The following MAT1A variants were observed in gnomAD, a reference collection of about 807,000 sequenced individuals.
MAT1A encodes the protein methionine adenosyltransferase 1A.
Under a neutral mutation model 44.0 loss-of-function variants are expected in MAT1A, and 19 were observed. The ratio of observed to expected loss-of-function variants is 0.43; its 90% CI spans 0.30 to 0.63. MAT1A has a LOEUF of 0.63. Among genes scored for constraint, MAT1A ranks in the 30% least tolerant of loss-of-function variants. The probability of loss-of-function intolerance (pLI) is 0.12; values close to 1 mark genes in which losing one functional copy is unlikely to be tolerated. For synonymous variants in MAT1A, 205 were observed against 205.6 expected (o/e 1.00, Z 0.03); for missense variants, 397 against 531.0 (o/e 0.75, Z 2.48).
Position 80,276,487 on chromosome 10 carries a change from G to A in MAT1A, c.657C>T (p.Arg219=). The change falls in exon 6 of 9, where the codon CGC becomes CGT. Residue 219 remains arginine, a synonymous_variant. Coordinates refer to ENST00000372213, the MANE Select transcript of MAT1A (RefSeq NM_000429.3). ...TGATGACTTGCTCCTTCAGGGCCCTGCGCATCTCCTCCAGCGTGATGTCTT... is the reference window on the plus strand; with the variant it reads ...TGATGACTTGCTCCTTCAGGGCCCTACGCATCTCCTCCAGCGTGATGTCTT... ...HNEDITLEEM[R]RALKEQVIRA... 2 of 1,614,152 alleles carry A rather than the reference G, an allele frequency of 1.2e-6. No homozygotes were observed. The highest frequency in any genetic ancestry group is 1.7e-5 in the Admixed American group (1 of 60,034).
intron 1 of MAT1A, 74 bp from the exon 2 acceptor site, chr10:80,285,663 A>G (rs1350343203): frequency 2.0e-6 from 2 of 1,015,244 alleles, no homozygotes; most frequent in Non-Finnish European, 3.1e-6. Context: ...AAATAATTAG[A>G]TATCGACTTT....
intron 5 of MAT1A, among the ~76,000 whole-genome samples, chr10:80,278,215 G>A (rs906539650): frequency 1.3e-5 from 2 of 152,182 alleles, no homozygotes; most frequent in Non-Finnish European, 2.9e-5. Context: ...TGGCATTTTC[G>A]AGACAATCCT....
Position 80,273,510 on chromosome 10 carries a change from G to T in MAT1A, c.*271C>A, listed in dbSNP as rs1439500664. On this transcript the variant is annotated 3_prime_UTR_variant, in exon 9 of 9. Transcript: ENST00000372213. ...GTGAGGGAATTCACTCTTGACGGGG[G>T]TGCCTTTTCCACTAAATTAACATTG... 6.5e-6 allele frequency: 3 copies of T among 460,986 alleles called. No homozygotes were observed. Among genetic ancestry groups the T allele is most frequent in the Non-Finnish European group, 8.0e-6 (2 of 249,128 alleles). 28.6% of individuals were successfully genotyped at this position (460,986 alleles called of 1,614,324 possible). A position where few individuals can be genotyped will look rare whatever the true frequency, so the allele number is the denominator to read the frequency against.
intron 1 of MAT1A, 43 bp downstream of exon 1, chr10:80,289,290 T>C (rs371652664): frequency 7.2e-5 from 110 of 1,522,774 alleles, no homozygotes; most frequent in Middle Eastern, 6.8e-4. Flanking sequence ...CAGTATAGGC[T>C]TGGAATGATC....
chr10:80,286,683 T>C (rs1841655447), intron 1 of MAT1A, among the ~76,000 whole-genome samples: 1 of 152,222 alleles, frequency 6.6e-6, no homozygotes, highest in Admixed American at 6.5e-5. Flanking sequence ...TTTGGGGTTA[T>C]GCAAACTGTC....
intron 8 of MAT1A, 37 bp from the exon 9 acceptor site, chr10:80,273,920 G>T: frequency 7.1e-7 from 1 of 1,412,646 alleles, no homozygotes; most frequent in Non-Finnish European, 1.0e-6. Context: ...ATTGGAAGAT[G>T]GAACAGGAGC....
chr10:80,283,535 C>T (rs918544344), intron 3 of MAT1A, among the ~76,000 whole-genome samples: 6 of 152,252 alleles, frequency 3.9e-5, no homozygotes, highest in African/African-American at 1.4e-4. Context: ...TCCTCGTCTG[C>T]ATAAGTACAT....
intron 6 of MAT1A, among the ~76,000 whole-genome samples, chr10:80,276,158 C>T (rs1841482842): frequency 6.6e-6 from 1 of 152,220 alleles, no homozygotes; most frequent in African/African-American, 2.4e-5. Context: ...ATCCTAGGGA[C>T]ATATCCCCCA....
chr10:80,273,590 C>T lies in MAT1A; in HGVS notation c.*191G>A. The T allele has an allele frequency of 1.6e-6, 1 of 619,432 alleles. No homozygotes were observed. 38.4% of individuals were successfully genotyped at this position (619,432 alleles called of 1,614,324 possible). A position where few individuals can be genotyped will look rare whatever the true frequency, so the allele number is the denominator to read the frequency against. ...CCATGCCCATCCTTACATCAAGATCCAACCTCCAGCACCAGGAAGCCCCTG... is the reference window on the plus strand; with the variant it reads ...CCATGCCCATCCTTACATCAAGATCTAACCTCCAGCACCAGGAAGCCCCTG... On this transcript the variant is annotated 3_prime_UTR_variant, in exon 9 of 9. Coordinates refer to ENST00000372213, the MANE Select transcript of MAT1A (RefSeq NM_000429.3).
At chr10:80,280,977 C>A (rs1193004285) in intron 3 of MAT1A, among the ~76,000 whole-genome samples, 185 bp from the exon 4 acceptor site, 1 of 152,132 alleles carries the variant, frequency 6.6e-6, no homozygotes, top group South Asian at 2.1e-4. Flanking sequence ...ACCTTCCCAC[C>A]CTATCATGTA....
At chr10:80,278,223 C>T (rs941100840) in intron 5 of MAT1A, among the ~76,000 whole-genome samples, 1 of 152,178 alleles carries the variant, frequency 6.6e-6, no homozygotes, top group African/African-American at 2.4e-5. Flanking sequence ...TCGAGACAAT[C>T]CTTCAAAGGA....
intron 5 of MAT1A, among the ~76,000 whole-genome samples, chr10:80,276,920 G>A (rs1001161328): frequency 2.6e-5 from 4 of 152,208 alleles, no homozygotes; most frequent in Admixed American, 6.5e-5. Context: ...GCCAGCAAAT[G>A]TCCCCCTGGC....
At position 80,280,698 on chromosome 10, in the gene MAT1A, A is replaced by C. The variant is rs1589482227; in HGVS notation, c.387T>G (p.Asp129Glu). 1 of 1,614,058 alleles carries C rather than the reference A, an allele frequency of 6.2e-7. No homozygotes were observed. The highest frequency in any genetic ancestry group is 8.5e-7 in the Non-Finnish European group (1 of 1,179,972). ...QCVHLDRNEEDVGAGDQGLMF... is the reference protein window; with the variant it reads ...QCVHLDRNEEEVGAGDQGLMF... ...GAGCTACCTGATCTCCTGCCCCCACATCCTCCTCATTTCTGTCCAGATGGA... is the reference window on the plus strand; with the variant it reads ...GAGCTACCTGATCTCCTGCCCCCACCTCCTCCTCATTTCTGTCCAGATGGA... Residue 129 changes from aspartate (D) to glutamate (E), a missense_variant, in exon 4 of 9, where the codon GAT (aspartate) becomes GAG (glutamate). By Grantham distance (45) the Asp-to-Glu change is conservative. Transcript: ENST00000372213.
intron 1 of MAT1A, 95 bp downstream of exon 1, chr10:80,289,238 A>G: frequency 1.0e-6 from 1 of 984,752 alleles, no homozygotes; most frequent in Non-Finnish European, 1.6e-6. Context: ...AATATGCACA[A>G]TTATTATGTG....
At chr10:80,285,017 A>T (rs1468314507) in intron 2 of MAT1A, among the ~76,000 whole-genome samples, 1 of 152,172 alleles carries the variant, frequency 6.6e-6, no homozygotes, top group African/African-American at 2.4e-5. Flanking sequence ...TAAATGGGGG[A>T]CACTAATTAT....
intron 5 of MAT1A, among the ~76,000 whole-genome samples, chr10:80,277,804 C>T (rs1456671770): frequency 3.9e-5 from 6 of 152,180 alleles, no homozygotes; most frequent in Admixed American, 2.0e-4. Flanking sequence ...GCCCTGAACA[C>T]GGCGCTTATC....
intron 1 of MAT1A, among the ~76,000 whole-genome samples, chr10:80,285,828 C>T (rs1178392337): frequency 1.3e-5 from 2 of 150,638 alleles, no homozygotes; most frequent in African/African-American, 2.5e-5. Context: ...AAAAGAAATA[C>T]CTTTTTTTTT....
chr10:80,283,539 A>C (rs1420809370), intron 3 of MAT1A, among the ~76,000 whole-genome samples: 1 of 152,262 alleles, frequency 6.6e-6, no homozygotes, highest in Non-Finnish European at 1.5e-5. Context: ...CGTCTGCATA[A>C]GTACATAAAT....
intron 1 of MAT1A, 33 bp downstream of exon 1, chr10:80,289,300 C>A (rs201884805): frequency 3.8e-6 from 6 of 1,559,018 alleles, no homozygotes; most frequent in East Asian, 2.2e-5. Flanking sequence ...TTGGAATGAT[C>A]GTTTTCCAGT....
Sources: gnomAD v4.1 joint callset for allele counts (sites outside exome capture counted in the v4.1 genomes callset) on GRCh38, gnomAD v4.1.1 for gene constraint, MANE v1.5 for transcripts, NCBI Gene and HGNC (gene_info 2026-07-23, HGNC 2026-07-21) for gene names.